Variants in RBFOX1 observed in about 807,000 individuals in gnomAD.
RBFOX1 encodes RNA binding fox-1 homolog 1.
In RBFOX1, 8 loss-of-function variants were observed where a neutral mutation model predicts 57.7. That is an observed-to-expected ratio of 0.14 (90% CI 0.08 to 0.25). RBFOX1 has a LOEUF of 0.25. RBFOX1 is among the 10% of genes least tolerant of loss of function. RBFOX1 has a pLI of 1.00. For synonymous variants in RBFOX1, 326 were observed against 222.4 expected (o/e 1.47, Z -4.15); for missense variants, 611 against 548.5 (o/e 1.11, Z -1.14).
chr16:5,410,064 A>AT (rs1436609641), intron 1 of RBFOX1, among the ~76,000 whole-genome samples: 210 of 148,534 alleles, frequency 1.4e-3, no homozygotes, highest in African/African-American at 2.4e-3. Context: ...AAAAAAAAAA[A>AT]AATAATAATC....
intron 4 of RBFOX1, among the ~76,000 whole-genome samples, chr16:7,309,300 C>A (rs578225750): frequency 6.6e-6 from 1 of 152,326 alleles, no homozygotes; most frequent in Non-Finnish European, 1.5e-5. Flanking sequence ...GTGCTTCCCC[C>A]CTTTGGGGAA....
rs1407815138 is a variant in RBFOX1, at chr16:6,848,733, A to C, written c.-16+194083A>C. On this transcript the variant is annotated intron_variant, in intron 3 of 15. Transcript: ENST00000550418. ...AATAGATGGATAATCTTTAACGTTC[A>C]GTAACATATGACAAGTCACATTGCC... 2.0e-5 allele frequency among the ~76,000 whole-genome samples: 3 copies of C among 152,276 alleles called. No individual in the cohort carries two copies. The East Asian group carries it at 5.8e-4, about 29-fold the overall frequency.
rs954341470 is a variant in RBFOX1, at chr16:6,356,229, A to T, written c.-64+39172A>T. ...ATGGTGGCTTTCTTCCAGAGAGTAC[A>T]GCATGGAGAAGGGAAGGAAAGGGAG... is the stretch of plus-strand genomic sequence containing the variant. On this transcript the variant is annotated intron_variant, in intron 2 of 15. Transcript: ENST00000550418. 2.6e-5 allele frequency among the ~76,000 whole-genome samples: 4 copies of T among 152,220 alleles called. No individual in the cohort carries two copies. The South Asian group carries it at 6.2e-4, about 24-fold the overall frequency.
At chr16:5,789,682 A>G (rs1294140307) in intron 3 of RBFOX1, among the ~76,000 whole-genome samples, 1 of 152,156 alleles carries the variant, frequency 6.6e-6, no homozygotes, top group African/African-American at 2.4e-5. Flanking sequence ...TACAGTTAGT[A>G]TCGCACTTCT....
chr16:6,855,384 G>T (rs2057651320), intron 3 of RBFOX1, among the ~76,000 whole-genome samples: 1 of 152,074 alleles, frequency 6.6e-6, no homozygotes, highest in South Asian at 2.1e-4. Context: ...GGGCGCAGTG[G>T]CTCACGCCTG....
At chr16:6,481,780 G>T (rs1184739693) in intron 2 of RBFOX1, among the ~76,000 whole-genome samples, 1 of 152,156 alleles carries the variant, frequency 6.6e-6, no homozygotes, top group African/African-American at 2.4e-5. Context: ...TTACTTTATG[G>T]TTATCTCAGC....
At chr16:7,327,484 G>T (rs1463155794) in intron 4 of RBFOX1, among the ~76,000 whole-genome samples, 3 of 152,170 alleles carry the variant, frequency 2.0e-5, no homozygotes, top group Non-Finnish European at 4.4e-5. Context: ...GCACAAATCT[G>T]TATTTTGAAA....
chr16:7,700,226 G>C (rs1026714359), intron 14 of RBFOX1, among the ~76,000 whole-genome samples: 1 of 152,142 alleles, frequency 6.6e-6, no homozygotes, highest in Non-Finnish European at 1.5e-5. Flanking sequence ...AAATAGACGA[G>C]AGGCAATAGC....
Position 6,353,678 on chromosome 16 carries a change from T to C in RBFOX1, c.-64+36621T>C, listed in dbSNP as rs117888137. On this transcript the variant is annotated intron_variant, in intron 2 of 15. Transcript: ENST00000550418. ...AAGGACCCTCGATGTCCCTAGCCCTTTGTTCCCTGTAGTGTCACTTGGTTA... is the reference window on the plus strand; with the variant it reads ...AAGGACCCTCGATGTCCCTAGCCCTCTGTTCCCTGTAGTGTCACTTGGTTA... Among the ~76,000 whole-genome samples, 1,133 of 152,240 alleles carry C rather than the reference T, an allele frequency of 7.4e-3. 9 individuals are homozygous for C. Among genetic ancestry groups the C allele is most frequent in the Non-Finnish European group, 0.01 (697 of 68,004 alleles).
intron 4 of RBFOX1, among the ~76,000 whole-genome samples, chr16:5,908,570 C>CTGG (rs2058535480): frequency 6.6e-6 from 1 of 151,922 alleles, no homozygotes; most frequent in Non-Finnish European, 1.5e-5. Context: ...CCTGGCTGGT[C>CTGG]TCGAACTCCT....
intron 2 of RBFOX1, among the ~76,000 whole-genome samples, chr16:6,594,016 G>A (rs544135687): frequency 5.9e-5 from 9 of 152,188 alleles, no homozygotes; most frequent in African/African-American, 1.7e-4. Context: ...GTTACAGCTT[G>A]GACTGAATAT....
chr16:6,627,121 C>T (rs2098320877), intron 2 of RBFOX1, among the ~76,000 whole-genome samples: 1 of 152,180 alleles, frequency 6.6e-6, no homozygotes, highest in African/African-American at 2.4e-5. Flanking sequence ...TATTGTGCCT[C>T]CCAAAGCTGA....
At chr16:7,482,596 G>A (rs1332190931) in intron 4 of RBFOX1, among the ~76,000 whole-genome samples, 3 of 122,714 alleles carry the variant, frequency 2.4e-5, no homozygotes, top group African/African-American at 9.8e-5. Context: ...ATATTGCCTA[G>A]CCTCGGGTAC....
intron 5 of RBFOX1, among the ~76,000 whole-genome samples, chr16:7,571,230 C>T (rs1318938187): frequency 6.6e-6 from 1 of 152,206 alleles, no homozygotes; most frequent in African/African-American, 2.4e-5. Flanking sequence ...AAATCCTTCC[C>T]TGTGCTTCTG....
intron 1 of RBFOX1, among the ~76,000 whole-genome samples, chr16:5,292,559 C>G (rs1355496675): frequency 1.3e-5 from 2 of 152,214 alleles, no homozygotes; most frequent in Non-Finnish European, 2.9e-5. Context: ...CATGCACCGT[C>G]ACCATCACTC....
intron 3 of RBFOX1, among the ~76,000 whole-genome samples, chr16:5,659,254 G>T (rs1465163137): frequency 6.7e-6 from 1 of 150,208 alleles, no homozygotes; most frequent in Non-Finnish European, 1.5e-5. Context: ...TTTCCCTGAT[G>T]ATTACTGATG....
intron 3 of RBFOX1, among the ~76,000 whole-genome samples, chr16:6,752,622 C>T (rs192782403): frequency 1.7e-3 from 260 of 152,186 alleles, no homozygotes; most frequent in Non-Finnish European, 3.1e-3. Flanking sequence ...GGCATCTTGC[C>T]ATAATGTTCT....
chr16:7,605,471 C>T (rs1424878846), intron 9 of RBFOX1, among the ~76,000 whole-genome samples: 3 of 152,106 alleles, frequency 2.0e-5, no homozygotes, highest in Admixed American at 6.5e-5. Flanking sequence ...GAGATCATCC[C>T]GGGGGCTGTA....
At position 5,341,262 on chromosome 16, in the gene RBFOX1, C is replaced by A. The variant is rs567024996; in HGVS notation, c.219+101157C>A. The stretch of plus-strand genomic sequence containing the variant: ...ATTTTGCTTTAAACCTGATGGAAGA[C>A]CATTGGAAAATTTTGGGATAGGGAA... On this transcript the variant is annotated intron_variant, in intron 1 of 2. Coordinates refer to the RBFOX1 transcript ENST00000585867. Among the ~76,000 whole-genome samples the A allele has an allele frequency of 3.9e-5, 6 of 151,982 alleles. No individual in the cohort carries two copies. In the South Asian group the frequency reaches 1.2e-3, roughly 32 times the overall value.
Sources: allele counts gnomAD v4.1 joint callset (sites outside exome capture counted in the v4.1 genomes callset), GRCh38; gene constraint gnomAD v4.1.1; transcripts MANE v1.5; gene names NCBI Gene and HGNC (gene_info 2026-07-23, HGNC 2026-07-21).